Variants in PLPP4 observed in about 807,000 individuals in gnomAD.
The protein encoded by PLPP4 is phospholipid phosphatase 4, also known as diacylglycerol pyrophosphate like 2.
Under a neutral mutation model 32.2 loss-of-function variants are expected in PLPP4, and 20 were observed. The ratio of observed to expected loss-of-function variants is 0.62; its 90% CI spans 0.44 to 0.90. PLPP4 has a LOEUF of 0.90. Ranked by LOEUF, PLPP4 falls within the 40% of genes least tolerant of loss-of-function variation. PLPP4 has a pLI of 0.00. For missense variants in PLPP4, 257 were observed against 353.1 expected (o/e 0.73, Z 2.18); for synonymous variants, 127 against 133.0 (o/e 0.95, Z 0.31).
intron 6 of PLPP4, chr10:120,581,259 T>G (rs978143404): frequency 2.0e-6 from 2 of 985,316 alleles, no homozygotes; most frequent in African/African-American, 3.5e-5. Context: ...CTGTCTCTTC[T>G]CAGCTTTCTG....
At chr10:120,515,762 G>A (rs1466530088) in intron 3 of PLPP4, among the ~76,000 whole-genome samples, 1 of 152,202 alleles carries the variant, frequency 6.6e-6, no homozygotes, top group Non-Finnish European at 1.5e-5. Context: ...AAAAAGTGCT[G>A]TTGGGAGCCC....
chr10:120,584,511 G>T (rs41514247), intron 6 of PLPP4, among the ~76,000 whole-genome samples: 12 of 152,144 alleles, frequency 7.9e-5, no homozygotes, highest in African/African-American at 2.7e-4. Flanking sequence ...TCAGTGCTAC[G>T]TAAGGAGACA....
intron 5 of PLPP4, among the ~76,000 whole-genome samples, chr10:120,566,503 C>A (rs1164406035): frequency 6.6e-6 from 1 of 151,916 alleles, no homozygotes; most frequent in Non-Finnish European, 1.5e-5. Flanking sequence ...GGTGTCCTTG[C>A]CGTTTCCTTC....
At chr10:120,579,874 G>A (rs1390051281) in intron 6 of PLPP4, among the ~76,000 whole-genome samples, 1 of 151,266 alleles carries the variant, frequency 6.6e-6, no homozygotes, top group East Asian at 2.0e-4. Flanking sequence ...TTGGGAGGCC[G>A]AGGCGGGCAG....
chr10:120,520,840 A>C, intron 4 of PLPP4, 131 bp from the exon 5 acceptor site: 10 of 1,072,598 alleles, frequency 9.3e-6, no homozygotes, highest in Non-Finnish European at 1.4e-5. Context: ...GTATTCTGTG[A>C]GGAGCTCCAG....
At chr10:120,559,935 C>T (rs947265312) in intron 5 of PLPP4, among the ~76,000 whole-genome samples, 7 of 152,126 alleles carry the variant, frequency 4.6e-5, no homozygotes, top group South Asian at 2.1e-4. Flanking sequence ...CTGTAGAATG[C>T]GCTGCACTTC....
upstream of PLPP4, chr10:120,457,219 C>G: frequency 8.8e-7 from 1 of 1,136,980 alleles, no homozygotes. Flanking sequence ...TCCCTCGCCT[C>G]CCAGGGTCTG....
intron 1 of PLPP4, among the ~76,000 whole-genome samples, chr10:120,459,479 G>A (rs936932900): frequency 6.6e-5 from 10 of 152,194 alleles, no homozygotes; most frequent in South Asian, 2.1e-4. Context: ...TCTCAGATAA[G>A]CGTCTGGCAC....
At chr10:120,528,226 C>T (rs1049938049) in intron 5 of PLPP4, among the ~76,000 whole-genome samples, 1 of 152,106 alleles carries the variant, frequency 6.6e-6, no homozygotes, top group Non-Finnish European at 1.5e-5. Context: ...AGGCGCCTGC[C>T]ACCATGCTCG....
At chr10:120,567,431 ATGT>A (rs1848741111) in intron 5 of PLPP4, among the ~76,000 whole-genome samples, 1 of 152,332 alleles carries the variant, frequency 6.6e-6, no homozygotes. Flanking sequence ...GCTGAAGCAG[ATGT>A]TGTTATGCCT....
intron 6 of PLPP4, among the ~76,000 whole-genome samples, chr10:120,575,793 C>G (rs999118187): frequency 1.3e-5 from 2 of 152,124 alleles, no homozygotes; most frequent in Non-Finnish European, 2.9e-5. Flanking sequence ...TGAGGTTTGC[C>G]TATATATATA....
At chr10:120,468,127 C>T (rs187921017) in intron 1 of PLPP4, among the ~76,000 whole-genome samples, 2 of 64,958 alleles carry the variant, frequency 3.1e-5, no homozygotes, top group African/African-American at 6.6e-5. Flanking sequence ...TTTCTTTATC[C>T]GGTCTACCAC....
chr10:120,529,670 G>A (rs2133932345), intron 5 of PLPP4, among the ~76,000 whole-genome samples: 1 of 152,244 alleles, frequency 6.6e-6, no homozygotes, highest in South Asian at 2.1e-4. Context: ...AACATAGTAA[G>A]ACCATGTCTC....
intron 1 of PLPP4, among the ~76,000 whole-genome samples, chr10:120,475,126 C>G (rs1243730235): frequency 6.6e-6 from 1 of 151,980 alleles, no homozygotes; most frequent in African/African-American, 2.4e-5. Context: ...TGACAATTCC[C>G]GAGCAAGTGG....
chr10:120,457,757 GCCCCGTCT>G (rs1274239041), intron 1 of PLPP4, among the ~76,000 whole-genome samples: 1 of 152,154 alleles, frequency 6.6e-6, no homozygotes, highest in African/African-American at 2.4e-5. Context: ...TTTACCCCTG[GCCCCGTCT>G]CCGATTCCTC....
intron 5 of PLPP4, among the ~76,000 whole-genome samples, chr10:120,534,469 T>C (rs978271659): frequency 6.6e-6 from 1 of 152,154 alleles, no homozygotes; most frequent in Admixed American, 6.5e-5. Flanking sequence ...CTAGGATGTA[T>C]ACATTAATGT....
In PLPP4 at chr10:120,570,813, G is replaced by A. The variant is rs545912670; in HGVS notation, c.446-4318G>A. ...TTCATGGGATGGACCTGGTGTTACC[G>A]CCTATGTCAGCTCCTTTTATTGTAA... On this transcript the variant is annotated intron_variant, in intron 5 of 6. Transcript: ENST00000398250. 1.2e-4 allele frequency among the ~76,000 whole-genome samples: 19 copies of A among 152,210 alleles called. No homozygotes were observed. The South Asian group carries it at 2.1e-3, about 17-fold the overall frequency.
At chr10:120,457,096 C>T (rs1343302204), upstream of PLPP4, 2 of 221,480 alleles carry the variant, frequency 9.0e-6, no homozygotes, top group Non-Finnish European at 1.7e-5. Flanking sequence ...CAGCGGCCGG[C>T]GCGGCTTCCC....
At chr10:120,582,751 T>TTCCCTCCCTCCCTCCCTCCCTTCCTCCC (rs1849567267) in intron 6 of PLPP4, among the ~76,000 whole-genome samples, 1 of 97,192 alleles carries the variant, frequency 1.0e-5, no homozygotes, top group Non-Finnish European at 2.0e-5. Flanking sequence ...ACTGTAAATA[T>TTCCCTCCCTCCCTCCCTCCCTTCCTCCC]TCCCTCCCTC....
Sources: allele counts gnomAD v4.1 joint callset (sites outside exome capture counted in the v4.1 genomes callset), GRCh38; gene constraint gnomAD v4.1.1; transcripts MANE v1.5; gene names NCBI Gene and HGNC (gene_info 2026-07-23, HGNC 2026-07-21).